The following ARMC2 variants were observed in gnomAD, a reference collection of about 807,000 sequenced individuals.
ARMC2 encodes the protein armadillo repeat containing 2.
ARMC2 carries 67 observed loss-of-function variants against 90.3 expected under a neutral mutation model. The observed-to-expected ratio is 0.74, with a 90% CI of 0.61 to 0.91. The LOEUF is 0.91. Among genes scored for constraint, ARMC2 ranks in the 40% least tolerant of loss-of-function variants. ARMC2 has a pLI of 0.00. For missense variants in ARMC2, 920 were observed against 1,030.9 expected, an observed-to-expected ratio of 0.89 and a Z score of 1.47; for synonymous variants, 393 against 393.0, an observed-to-expected ratio of 1.00 and a Z score of 0.00.
the ARMC2 span, chr6:109,000,382 G>C: frequency 1.3e-6 from 1 of 756,578 alleles, no homozygotes; most frequent in Non-Finnish European, 2.0e-6. Context: ...GAGATTCAGG[G>C]GGTAGAAAAT....
chr6:108,922,942 A>G (rs967339419), intron 10 of ARMC2: 1 of 152,158 alleles, frequency 6.6e-6, no homozygotes, highest in African/African-American at 2.4e-5. Flanking sequence ...CCTAAACATC[A>G]CCTAACAATT....
intron 5 of ARMC2, 54 bp from the exon 6 acceptor site, chr6:108,894,413 C>A: frequency 6.7e-7 from 1 of 1,484,012 alleles, no homozygotes; most frequent in Non-Finnish European, 9.2e-7. Context: ...TTGTCATTTA[C>A]AAAATTAGAA....
intron 11 of ARMC2, among the ~76,000 whole-genome samples, chr6:108,935,347 T>A (rs1355996659): frequency 6.6e-6 from 1 of 152,150 alleles, no homozygotes; most frequent in African/African-American, 2.4e-5. Context: ...TTCTTCTATT[T>A]TAGTAAAAAA....
intron 6 of ARMC2, among the ~76,000 whole-genome samples, chr6:108,895,283 T>C (rs535287511): frequency 3.4e-4 from 51 of 149,716 alleles, no homozygotes; most frequent in African/African-American, 1.1e-3. Context: ...GCCAACATCA[T>C]GAAACCCCAT....
chr6:108,874,804 T>A (rs952707957), intron 4 of ARMC2, among the ~76,000 whole-genome samples: 66 of 151,818 alleles, frequency 4.3e-4, no homozygotes, highest in Non-Finnish European at 4.4e-5. Flanking sequence ...AGACAGGACA[T>A]TTAATCTTTG....
intron 4 of ARMC2, among the ~76,000 whole-genome samples, chr6:108,871,403 C>T (rs181203783): frequency 3.3e-5 from 5 of 152,232 alleles, no homozygotes; most frequent in African/African-American, 9.6e-5. Context: ...ACCCGAGTCC[C>T]GTGTCAGCTC....
At chr6:108,926,649 G>A (rs1246453934) in intron 10 of ARMC2, among the ~76,000 whole-genome samples, 1 of 152,100 alleles carries the variant, frequency 6.6e-6, no homozygotes, top group African/African-American at 2.4e-5. Context: ...TGCTTGAATG[G>A]GGGAGGCAGA....
intron 17 of ARMC2, 105 bp downstream of exon 17, chr6:108,965,245 A>C: frequency 2.0e-6 from 2 of 1,017,048 alleles, no homozygotes; most frequent in Non-Finnish European, 2.8e-6. Context: ...AGGTGACTAT[A>C]TTTCTATAAG....
chr6:108,955,467 C>T (rs1777510300), intron 13 of ARMC2, among the ~76,000 whole-genome samples: 1 of 152,166 alleles, frequency 6.6e-6, no homozygotes, highest in South Asian at 2.1e-4. Context: ...CATCATTTCA[C>T]AGATGAGGAA....
At chr6:109,026,803 A>G in the ARMC2 span, among the ~76,000 whole-genome samples, 8 of 151,052 alleles carry the variant, frequency 5.3e-5, no homozygotes, top group Non-Finnish European at 1.2e-4. Context: ...GCGCCCGGCC[A>G]GGTTTAACTT....
intron 8 of ARMC2, among the ~76,000 whole-genome samples, chr6:108,907,238 G>T (rs1440774936): frequency 6.6e-6 from 1 of 151,734 alleles, no homozygotes; most frequent in African/African-American, 2.4e-5. Context: ...AGATTTGTTG[G>T]GGAAAAGGAA....
intron 13 of ARMC2, among the ~76,000 whole-genome samples, chr6:108,959,910 T>C (rs942024382): frequency 2.6e-5 from 4 of 152,070 alleles, no homozygotes; most frequent in African/African-American, 9.7e-5. Context: ...GGTCTCATAC[T>C]CCTGACCTCA....
At chr6:108,921,356 A>G (rs1774548531) in intron 10 of ARMC2, among the ~76,000 whole-genome samples, 1 of 152,234 alleles carries the variant, frequency 6.6e-6, no homozygotes, top group Admixed American at 6.5e-5. Flanking sequence ...TGGAGGTTTA[A>G]GGAGGACAGA....
chr6:109,045,771 G>A, the ARMC2 span, among the ~76,000 whole-genome samples: 1 of 152,166 alleles, frequency 6.6e-6, no homozygotes, highest in African/African-American at 2.4e-5. Context: ...ATAACTGCCT[G>A]TTTATCTTGC....
Position 108,899,674 on chromosome 6 carries a change from G to T in ARMC2, c.749-20G>T. The T allele has an allele frequency of 6.3e-7, 1 of 1,595,146 alleles. No homozygotes were observed. Among genetic ancestry groups the T allele is most frequent in the African/African-American group, 1.3e-5 (1 of 74,560 alleles). Reference sequence around the variant, plus strand: ...CTCCTTTTTCATAGCTTTTTCTCCTGCTCTGGATTTCTTTTGCAGTCCCAA... The same window carrying T: ...CTCCTTTTTCATAGCTTTTTCTCCTTCTCTGGATTTCTTTTGCAGTCCCAA... On this transcript the variant is annotated intron_variant, in intron 6 of 17. Coordinates refer to ENST00000392644, the MANE Select transcript of ARMC2 (RefSeq NM_032131.6).
intron 5 of ARMC2, among the ~76,000 whole-genome samples, chr6:108,893,887 A>G (rs1258170123): frequency 1.3e-5 from 2 of 152,128 alleles, no homozygotes; most frequent in Non-Finnish European, 2.9e-5. Context: ...GCATGGTGGC[A>G]TGTGCCTGTA....
At chr6:108,961,464 C>G (rs1204505617) in intron 13 of ARMC2, 108 bp from the exon 14 acceptor site, 7 of 1,258,838 alleles carry the variant, frequency 5.6e-6, no homozygotes, top group Admixed American at 5.5e-5. Context: ...TTGTAGGGAC[C>G]CTGCGTGATC....
chr6:108,981,239 A>C, the ARMC2 span, among the ~76,000 whole-genome samples: 1 of 152,142 alleles, frequency 6.6e-6, no homozygotes, highest in African/African-American at 2.4e-5. Context: ...GGATCCCATT[A>C]TACCTATTCT....
chr6:108,859,517 T>C (rs1295974232), intron 3 of ARMC2, among the ~76,000 whole-genome samples: 3 of 152,200 alleles, frequency 2.0e-5, no homozygotes, highest in Non-Finnish European at 2.9e-5. Context: ...GTTTCTAGTG[T>C]TCTGAAATTT....
Sources: gnomAD v4.1 joint callset for allele counts (sites outside exome capture counted in the v4.1 genomes callset) on GRCh38, gnomAD v4.1.1 for gene constraint, MANE v1.5 for transcripts, NCBI Gene and HGNC (gene_info 2026-07-23, HGNC 2026-07-21) for gene names.